The following KIF20B variants were observed in gnomAD, a reference collection of about 807,000 sequenced individuals.
KIF20B encodes the protein kinesin-like protein KIF20B.
Under a neutral mutation model 232.5 loss-of-function variants are expected in KIF20B, and 188 were observed. The ratio of observed to expected loss-of-function variants is 0.81; its 90% CI spans 0.72 to 0.91. The LOEUF (loss-of-function observed/expected upper bound fraction) is 0.91, where lower values mean the gene tolerates loss of function less well. Ranked by LOEUF, KIF20B falls within the 40% of genes least tolerant of loss-of-function variation. The probability of loss-of-function intolerance (pLI) is 0.00; values close to 1 mark genes in which losing one functional copy is unlikely to be tolerated. For synonymous variants in KIF20B, 712 were observed against 683.0 expected (o/e 1.04, Z -0.66); for missense variants, 2,154 against 2,055.9 (o/e 1.05, Z -0.92).
intron 13 of KIF20B, 55 bp from the exon 14 acceptor site, chr10:89,723,909 T>A: frequency 2.4e-6 from 3 of 1,276,512 alleles, no homozygotes; most frequent in Non-Finnish European, 3.1e-6. Flanking sequence ...TGGACGGTAT[T>A]TCTCTTGGGA....
chr10:89,721,976 G>C (rs1434813687), intron 13 of KIF20B, among the ~76,000 whole-genome samples: 2 of 152,082 alleles, frequency 1.3e-5, no homozygotes, highest in Non-Finnish European at 2.9e-5. Context: ...CAATAGTGTA[G>C]TTATGGCTCA....
At chr10:89,756,993 G>A (rs11185869) in intron 26 of KIF20B, among the ~76,000 whole-genome samples, 112,903 of 146,440 alleles carry the variant, frequency 0.77, 43,759 homozygotes, top group South Asian at 0.93. Flanking sequence ...TTATACATTT[G>A]TTTTGGTGCA....
chr10:89,745,016 T>G (rs1264743913), intron 22 of KIF20B, among the ~76,000 whole-genome samples: 1 of 152,240 alleles, frequency 6.6e-6, no homozygotes, highest in Non-Finnish European at 1.5e-5. Flanking sequence ...TTTCCAATCT[T>G]GCAGCTACTT....
intron 18 of KIF20B, among the ~76,000 whole-genome samples, chr10:89,732,480 C>T (rs1038998390): frequency 7.0e-6 from 1 of 142,626 alleles, no homozygotes; most frequent in African/African-American, 2.8e-5. Context: ...GTCTAAATGA[C>T]GTATCTAGAA....
intron 26 of KIF20B, among the ~76,000 whole-genome samples, chr10:89,758,110 T>A (rs1842168004): frequency 6.6e-6 from 1 of 152,002 alleles, no homozygotes; most frequent in African/African-American, 2.4e-5. Context: ...TAGAGTCACC[T>A]TTTCCATTTC....
At chr10:89,702,975 T>C (rs1391684075) in intron 1 of KIF20B, among the ~76,000 whole-genome samples, 12 of 152,168 alleles carry the variant, frequency 7.9e-5, no homozygotes, top group Admixed American at 4.6e-4. Context: ...CTGAACACTT[T>C]TAGAAATGCT....
chr10:89,719,474 A>G lies in KIF20B; in HGVS notation c.1490A>G (p.Lys497Arg), dbSNP rs548120859. Residue 497 changes from lysine (K) to arginine (R), a missense_variant, in exon 13 of 33, where the codon AAA becomes AGA. Coordinates refer to ENST00000371728, the MANE Select transcript of KIF20B (RefSeq NM_001284259.2). ...SSQEKLFGPV[K>R]SSQDVSLDSN... Reference sequence around the variant, plus strand: ...CAAGAGAAATTATTTGGACCTGTCAAATCTTCTCAAGATGTATCACTAGAC... The same window carrying G: ...CAAGAGAAATTATTTGGACCTGTCAGATCTTCTCAAGATGTATCACTAGAC... 31 of 1,605,526 alleles carry G rather than the reference A, an allele frequency of 1.9e-5. No homozygotes were observed. Among genetic ancestry groups the G allele is most frequent in the Non-Finnish European group, 2.3e-5 (27 of 1,176,436 alleles).
intron 9 of KIF20B, among the ~76,000 whole-genome samples, chr10:89,716,757 A>G: frequency 6.6e-6 from 1 of 152,196 alleles, no homozygotes; most frequent in South Asian, 2.1e-4. Flanking sequence ...TTTATAGGAA[A>G]TCTCTGAGGT....
Position 89,725,118 on chromosome 10 carries a change from A to C in KIF20B, c.1961A>C (p.Glu654Ala), listed in dbSNP as rs111669804. Reference sequence around the variant, plus strand: ...GTTGGTAAATGTGACACTCGAGAAGAAGCAGCGAAAGACATTTGTGCCACA... The same window carrying C: ...GTTGGTAAATGTGACACTCGAGAAGCAGCAGCGAAAGACATTTGTGCCACA... ...DLVGKCDTRE[E>A]AAKDICATKV... The change falls in exon 15 of 33, where the codon GAA becomes GCA. Residue 654 changes from glutamate (E) to alanine (A), a missense_variant. By Grantham distance (107) the Glu-to-Ala change is moderately radical (BLOSUM62 -1). Coordinates refer to ENST00000371728, the MANE Select transcript of KIF20B (RefSeq NM_001284259.2). 5.6e-6 allele frequency: 9 copies of C among 1,613,956 alleles called. No homozygotes were observed. The highest frequency in any genetic ancestry group is 4.5e-5 in the East Asian group (2 of 44,890).
chr10:89,774,120 A>G lies in KIF20B; in HGVS notation c.*72A>G. 3 of 867,032 alleles carry G rather than the reference A, an allele frequency of 3.5e-6. No homozygotes were observed. The South Asian group carries it at 6.0e-5, about 17-fold the overall frequency. 53.7% of individuals were successfully genotyped at this position (867,032 alleles called of 1,614,324 possible). ...GGAACTTGCATCCTGTATTGTAAAT[A>G]TAAATGTATATATTATGCATTAAAT... On this transcript the variant is annotated 3_prime_UTR_variant, in exon 33 of 33. Transcript: ENST00000371728.
chr10:89,755,597 CT>C (rs1470796994), intron 26 of KIF20B, among the ~76,000 whole-genome samples: 1 of 150,522 alleles, frequency 6.6e-6, no homozygotes, highest in East Asian at 2.0e-4. Context: ...TTTCCCTTTT[CT>C]TTCCTCTTTT....
In KIF20B at chr10:89,715,013, A is replaced by G; in HGVS notation, c.771A>G (p.Glu257=). ...SEFEESIKDY[E]QANLNMANSI... is the part of the protein sequence containing the mutation. The stretch of plus-strand genomic sequence containing the variant: ...TTGAAGAATCCATAAAAGATTATGA[A>G]CAAGCCAACTTGAATATGGCTAATA... Residue 257 remains glutamate, a synonymous_variant, in exon 8 of 33, where the codon GAA becomes GAG. Transcript: ENST00000371728. 6.2e-7 allele frequency: 1 copy of G among 1,603,798 alleles called. No individual in the cohort carries two copies. The highest frequency in any genetic ancestry group is 8.5e-7 in the Non-Finnish European group (1 of 1,175,182).
chr10:89,715,175 T>C lies in KIF20B; in HGVS notation c.933T>C (p.Phe311=), dbSNP rs1400573335. 1.1e-5 allele frequency: 18 copies of C among 1,570,918 alleles called. No homozygotes were observed. The highest frequency in any genetic ancestry group is 1.1e-5 in the Non-Finnish European group (13 of 1,150,876). The part of the protein sequence containing the change: ...RLSQDVKGYS[F]IKDLQWIQVS... ...CCCAAGACGTAAAGGGCTATTCTTT[T>C]ATAAAAGGTATACTAATGAATATTT... The change falls in exon 8 of 33, where the codon TTT becomes TTC. Residue 311 remains phenylalanine (F), a synonymous_variant. Transcript: ENST00000371728.
intron 21 of KIF20B, among the ~76,000 whole-genome samples, chr10:89,743,304 C>G: frequency 6.6e-6 from 1 of 152,192 alleles, no homozygotes; most frequent in East Asian, 1.9e-4. Context: ...CATTAGATTA[C>G]CGGCAACAGC....
chr10:89,769,962 T>C (rs1248288109), intron 31 of KIF20B, among the ~76,000 whole-genome samples: 2 of 151,996 alleles, frequency 1.3e-5, no homozygotes, highest in African/African-American at 4.8e-5. Flanking sequence ...AAATACTTTT[T>C]GTCGAAGGCT....
intron 2 of KIF20B, among the ~76,000 whole-genome samples, chr10:89,706,853 G>A (rs1197158183): frequency 5.3e-5 from 8 of 151,922 alleles, no homozygotes; most frequent in Non-Finnish European, 1.2e-4. Context: ...GAATTCTCCA[G>A]TTTTGCTTTT....
chr10:89,737,213 ACCAC>A (rs1285307923), intron 19 of KIF20B, among the ~76,000 whole-genome samples, 170 bp from the exon 20 acceptor site: 3 of 151,688 alleles, frequency 2.0e-5, no homozygotes, highest in Non-Finnish European at 4.4e-5. Context: ...ATGGGCTCAT[ACCAC>A]ATGTTTTAAA....
At chr10:89,760,304 C>T (rs958135896) in intron 27 of KIF20B, among the ~76,000 whole-genome samples, 1 of 152,114 alleles carries the variant, frequency 6.6e-6, no homozygotes, top group Non-Finnish European at 1.5e-5. Flanking sequence ...CAAATTTCTC[C>T]TTAGATCAGA....
chr10:89,706,941 G>A (rs1842735632), intron 2 of KIF20B, among the ~76,000 whole-genome samples: 2 of 152,094 alleles, frequency 1.3e-5, no homozygotes, highest in South Asian at 4.1e-4. Flanking sequence ...CTACAAGACA[G>A]CATCTTGGGA....
Sources: allele counts gnomAD v4.1 joint callset (sites outside exome capture counted in the v4.1 genomes callset), GRCh38; gene constraint gnomAD v4.1.1; transcripts MANE v1.5; gene names NCBI Gene and HGNC (gene_info 2026-07-23, HGNC 2026-07-21).